DNER: variants seen among roughly 807,000 people sequenced by gnomAD.
DNER encodes delta and Notch-like epidermal growth factor-related receptor.
DNER carries 33 observed loss-of-function variants against 78.2 expected under a neutral mutation model. The ratio of observed to expected loss-of-function variants is 0.42; its 90% CI spans 0.32 to 0.56. The LOEUF (loss-of-function observed/expected upper bound fraction) is 0.56, where lower values mean the gene tolerates loss of function less well. Ranked by LOEUF, DNER falls within the 20% of genes least tolerant of loss-of-function variation. The probability of loss-of-function intolerance (pLI) is 0.11; values close to 1 mark genes in which losing one functional copy is unlikely to be tolerated. For synonymous variants in DNER, 417 were observed against 384.8 expected (o/e 1.08, Z -0.98); for missense variants, 918 against 975.3 (o/e 0.94, Z 0.78).
chr2:229,445,469 G>T (rs1391647454), intron 8 of DNER, among the ~76,000 whole-genome samples: 2 of 152,230 alleles, frequency 1.3e-5, no homozygotes, highest in Non-Finnish European at 2.9e-5. Context: ...CTAGGCCATG[G>T]TTCTTAGATA....
At chr2:229,480,617 C>A (rs754139242) in intron 6 of DNER, among the ~76,000 whole-genome samples, 1 of 152,084 alleles carries the variant, frequency 6.6e-6, no homozygotes. Flanking sequence ...ATCAGAGAGG[C>A]TAATTTACAT....
chr2:229,548,286 C>T (rs148826447), intron 4 of DNER, among the ~76,000 whole-genome samples: 43 of 152,196 alleles, frequency 2.8e-4, no homozygotes, highest in Middle Eastern at 3.4e-3. Context: ...GAGCTAAATA[C>T]GAATTAAAAC....
chr2:229,394,883 G>A (rs1693099025), intron 10 of DNER, among the ~76,000 whole-genome samples: 1 of 152,168 alleles, frequency 6.6e-6, no homozygotes, highest in Admixed American at 6.5e-5. Flanking sequence ...AAACTTCTCA[G>A]TCAAATGAAT....
At chr2:229,552,477 A>G (rs1049356220) in intron 4 of DNER, among the ~76,000 whole-genome samples, 2 of 152,188 alleles carry the variant, frequency 1.3e-5, no homozygotes, top group Non-Finnish European at 2.9e-5. Flanking sequence ...GGAGGGATGC[A>G]GTGGGAGGTA....
At chr2:229,415,122 A>G (rs1244431743) in intron 9 of DNER, among the ~76,000 whole-genome samples, 17 of 151,854 alleles carry the variant, frequency 1.1e-4, no homozygotes, top group Admixed American at 1.1e-3. Context: ...AGATCACACC[A>G]TTGCACTCCA....
intron 5 of DNER, among the ~76,000 whole-genome samples, chr2:229,536,838 C>T (rs1044633151): frequency 6.6e-6 from 1 of 152,146 alleles, no homozygotes; most frequent in Non-Finnish European, 1.5e-5. Context: ...TTCCTGGAGG[C>T]GTATGAAGGC....
chr2:229,392,889 T>C (rs986264161), intron 10 of DNER, among the ~76,000 whole-genome samples: 6 of 152,124 alleles, frequency 3.9e-5, no homozygotes, highest in Non-Finnish European at 5.9e-5. Context: ...TAATCCACAA[T>C]GACCATCATT....
chr2:229,551,405 A>T (rs530986643), intron 4 of DNER, among the ~76,000 whole-genome samples: 1 of 149,500 alleles, frequency 6.7e-6, no homozygotes, highest in African/African-American at 2.5e-5. Flanking sequence ...AGGCAGAGGC[A>T]GGTGGATCAC....
intron 5 of DNER, among the ~76,000 whole-genome samples, chr2:229,545,459 C>A (rs190627283): frequency 2.6e-5 from 4 of 152,358 alleles, no homozygotes; most frequent in Non-Finnish European, 4.4e-5. Flanking sequence ...CCTGTAATCC[C>A]AGCTACTTGG....
chr2:229,515,510 G>C (rs1695950962), intron 5 of DNER, among the ~76,000 whole-genome samples: 1 of 152,132 alleles, frequency 6.6e-6, no homozygotes, highest in Non-Finnish European at 1.5e-5. Flanking sequence ...CCATATTGCG[G>C]ATAAATTTGC....
At chr2:229,554,941 AAAGGGAAGGGAAGGG>A (rs71045716) in intron 4 of DNER, among the ~76,000 whole-genome samples, 13 of 25,614 alleles carry the variant, frequency 5.1e-4, no homozygotes, top group South Asian at 2.3e-3. Flanking sequence ...AGAAGAGAGA[AAAGGGAAGGGAAGGG>A]AAGGGAAGGG....
At chr2:229,608,033 A>AAAG (rs1408333007) in intron 1 of DNER, among the ~76,000 whole-genome samples, 4 of 151,370 alleles carry the variant, frequency 2.6e-5, no homozygotes, top group Admixed American at 1.3e-4. Context: ...AAAAAAAAAA[A>AAAG]AAAAAAAAAG....
At chr2:229,367,764 A>G (rs1424423228) in intron 11 of DNER, among the ~76,000 whole-genome samples, 1 of 152,220 alleles carries the variant, frequency 6.6e-6, no homozygotes, top group East Asian at 1.9e-4. Flanking sequence ...CCACAGTTGG[A>G]AGGGTACCCA....
chr2:229,614,341 A>C (rs1698112334), intron 1 of DNER, among the ~76,000 whole-genome samples: 2 of 152,204 alleles, frequency 1.3e-5, no homozygotes. Flanking sequence ...TGAGATTTAC[A>C]TCTGAAGATA....
At chr2:229,539,660 C>A (rs11889339) in intron 5 of DNER, among the ~76,000 whole-genome samples, 12,386 of 152,048 alleles carry the variant, frequency 0.081, 1,647 homozygotes, top group African/African-American at 0.28. Flanking sequence ...TTTCTCGTCC[C>A]GTTGATAGAC....
intron 6 of DNER, among the ~76,000 whole-genome samples, chr2:229,487,418 T>C (rs1695300026): frequency 6.6e-6 from 1 of 152,194 alleles, no homozygotes; most frequent in Non-Finnish European, 1.5e-5. Flanking sequence ...AGTCCATCTA[T>C]ATCTTTTAAT....
chr2:229,706,306 A>G (rs190973536), intron 1 of DNER, among the ~76,000 whole-genome samples: 25 of 151,722 alleles, frequency 1.6e-4, no homozygotes, highest in African/African-American at 5.3e-4. Context: ...ATTCCAACAC[A>G]CTGGGAGGCT....
intron 10 of DNER, among the ~76,000 whole-genome samples, chr2:229,397,473 A>AAAAAACAAAAAAC (rs1553603081): frequency 1.3e-5 from 2 of 150,748 alleles, no homozygotes; most frequent in African/African-American, 4.9e-5. Context: ...CAAAAAAAAA[A>AAAAAACAAAAAAC]AAAAAACTGC....
rs192303914 is a variant in DNER at position 229,694,964 on chromosome 2, T to C, written c.276+19184A>G. ...GCCCCCACCCAAATCTCATCTTGCA[T>C]TGTAGTTCCCATAATCCCCATATGT... On this transcript the variant is annotated intron_variant, in intron 1 of 12. Transcript: ENST00000341772. 4.6e-5 allele frequency among the ~76,000 whole-genome samples: 7 copies of C among 152,308 alleles called. No homozygotes were observed. The East Asian group carries it at 1.2e-3, about 25-fold the overall frequency.
Sources: gnomAD v4.1 joint callset for allele counts (sites outside exome capture counted in the v4.1 genomes callset) on GRCh38, gnomAD v4.1.1 for gene constraint, MANE v1.5 for transcripts, NCBI Gene and HGNC (gene_info 2026-07-23, HGNC 2026-07-21) for gene names.